PALS2: variants seen among roughly 807,000 people sequenced by gnomAD.
PALS2 encodes the protein protein PALS2.
In PALS2, 27 loss-of-function variants were observed where a neutral mutation model predicts 61.6. The ratio of observed to expected loss-of-function variants is 0.44; its 90% CI spans 0.32 to 0.60. The LOEUF is 0.60. Ranked by LOEUF, PALS2 falls within the 20% of genes least tolerant of loss-of-function variation. The pLI is 0.05. For missense variants in PALS2, 554 were observed against 639.4 expected (o/e 0.87, Z 1.44); for synonymous variants, 236 against 218.6 (o/e 1.08, Z -0.70).
At chr7:24,588,063 G>A (rs754082293) in intron 1 of PALS2, among the ~76,000 whole-genome samples, 1 of 152,158 alleles carries the variant, frequency 6.6e-6, no homozygotes, top group Non-Finnish European at 1.5e-5. Context: ...AGAGGCCAGG[G>A]TTGTTACTAA....
intron 2 of PALS2, among the ~76,000 whole-genome samples, chr7:24,640,016 C>T (rs1291199723): frequency 6.6e-6 from 1 of 151,792 alleles, no homozygotes; most frequent in African/African-American, 2.4e-5. Flanking sequence ...GGGGTTTCAC[C>T]ATGTTGGGCA....
At position 24,573,609 on chromosome 7, in the gene PALS2, C is replaced by G; in HGVS notation, c.-3+16C>G. On this transcript the variant is annotated intron_variant, in intron 1 of 11. Transcript: ENST00000222644. This position sits in a 1 kb window ranked among gnomAD's most constrained non-coding sequence, Gnocchi z 5.3. Reference sequence around the variant, plus strand: ...GTGCGAGCCGGTGAGTTAACTGGACCCCCACGCCGCTCGGGTAACGGTCGC... The same window carrying G: ...GTGCGAGCCGGTGAGTTAACTGGACGCCCACGCCGCTCGGGTAACGGTCGC... The G allele has an allele frequency of 2.8e-6, 1 of 352,536 alleles. No individual in the cohort carries two copies. The highest frequency in any genetic ancestry group is 5.1e-6 in the Non-Finnish European group (1 of 196,738). 21.8% of individuals were successfully genotyped at this position (352,536 alleles called of 1,614,324 possible). A position where few individuals can be genotyped will look rare whatever the true frequency, so the allele number is the denominator to read the frequency against.
chr7:24,673,843 T>C (rs1787428229), intron 9 of PALS2, among the ~76,000 whole-genome samples: 1 of 152,054 alleles, frequency 6.6e-6, no homozygotes, highest in Admixed American at 6.6e-5. Flanking sequence ...TTACTCTCTG[T>C]TTTTTTAGAT....
At chr7:24,663,513 G>C in intron 5 of PALS2, 77 bp from the exon 6 acceptor site, 1 of 1,340,446 alleles carries the variant, frequency 7.5e-7, no homozygotes, top group Middle Eastern at 2.6e-4. Flanking sequence ...TTAAATCAGA[G>C]TGGTTTGACA....
chr7:24,680,654 G>C (rs1244157884), intron 11 of PALS2, 134 bp downstream of exon 11: 2 of 1,185,336 alleles, frequency 1.7e-6, no homozygotes, highest in Admixed American at 3.0e-5. Context: ...GGAGTGCATT[G>C]ATGCGATCTC....
At chr7:24,677,652 C>T (rs888335484) in intron 9 of PALS2, among the ~76,000 whole-genome samples, 1 of 152,132 alleles carries the variant, frequency 6.6e-6, no homozygotes, top group African/African-American at 2.4e-5. Flanking sequence ...GTCTTTGGTT[C>T]TGTTTATATG....
At chr7:24,581,401 A>G (rs995351044) in intron 1 of PALS2, among the ~76,000 whole-genome samples, 1 of 152,122 alleles carries the variant, frequency 6.6e-6, no homozygotes, top group Non-Finnish European at 1.5e-5. Flanking sequence ...GAAACTTTCC[A>G]AATGCGGTGA....
intron 5 of PALS2, among the ~76,000 whole-genome samples, chr7:24,655,211 G>A (rs1786352783): frequency 6.6e-6 from 1 of 152,152 alleles, no homozygotes; most frequent in South Asian, 2.1e-4. Flanking sequence ...ATATCAAGCT[G>A]CAGTAATTCC....
intron 2 of PALS2, chr7:24,624,012 A>C: frequency 8.1e-7 from 1 of 1,235,410 alleles, no homozygotes; most frequent in African/African-American, 1.5e-5. Flanking sequence ...TTTTGGCGTA[A>C]TGCCTTTAAG....
At chr7:24,665,076 T>C (rs889539568) in intron 6 of PALS2, among the ~76,000 whole-genome samples, 1 of 152,200 alleles carries the variant, frequency 6.6e-6, no homozygotes, top group Non-Finnish European at 1.5e-5. Flanking sequence ...TTAGCTGTTT[T>C]ACATTAGGTG....
chr7:24,676,216 G>A (rs1382900538), intron 9 of PALS2, among the ~76,000 whole-genome samples: 1 of 152,002 alleles, frequency 6.6e-6, no homozygotes, highest in Non-Finnish European at 1.5e-5. Context: ...ACTTTTTGAT[G>A]GGGTTGTTTG....
chr7:24,585,894 C>G (rs919136639), intron 1 of PALS2, among the ~76,000 whole-genome samples: 3 of 152,108 alleles, frequency 2.0e-5, no homozygotes, highest in Admixed American at 2.0e-4. Flanking sequence ...CCACTAATAT[C>G]TTCTACTCCT....
At chr7:24,648,964 G>A (rs540746091) in intron 3 of PALS2, among the ~76,000 whole-genome samples, 1 of 151,250 alleles carries the variant, frequency 6.6e-6, no homozygotes, top group East Asian at 1.9e-4. Context: ...CATGCTGGTA[G>A]CACATACATA....
intron 2 of PALS2, among the ~76,000 whole-genome samples, chr7:24,639,642 A>G (rs972626528): frequency 3.3e-5 from 5 of 151,808 alleles, no homozygotes; most frequent in Non-Finnish European, 7.4e-5. Context: ...AGCTTATTTC[A>G]TAAGAGTTAA....
intron 9 of PALS2, among the ~76,000 whole-genome samples, chr7:24,673,170 T>TA (rs1353587284): frequency 6.6e-6 from 1 of 152,220 alleles, no homozygotes; most frequent in Non-Finnish European, 1.5e-5. Context: ...ATTTTTGTTT[T>TA]TTATTGTCTT....
intron 11 of PALS2, 88 bp downstream of exon 11, chr7:24,680,608 AT>A: frequency 7.0e-7 from 1 of 1,431,456 alleles, no homozygotes. Flanking sequence ...TTATTTATTT[AT>A]TTTTGAGGCA....
chr7:24,646,913 C>G (rs778692886), intron 3 of PALS2, among the ~76,000 whole-genome samples: 9 of 152,046 alleles, frequency 5.9e-5, no homozygotes, highest in Admixed American at 1.3e-4. Context: ...TATCTCTCTT[C>G]TAGGTTTTCT....
chr7:24,649,765 G>C lies in PALS2; in HGVS notation c.423+1G>C. ...TCACAAAAGAGCTGGGGAACCACTG[G>C]TGAGTACAGATAAATCAGTACCCTA... On this transcript the variant is annotated splice_donor_variant, in intron 4 of 11. Transcript: ENST00000222644. LOFTEE classifies it high-confidence loss of function. 1 of 1,601,432 alleles carries C rather than the reference G, an allele frequency of 6.2e-7. No individual in the cohort carries two copies. The highest frequency in any genetic ancestry group is 8.5e-7 in the Non-Finnish European group (1 of 1,173,852).
At chr7:24,613,498 G>T (rs1784185035) in intron 1 of PALS2, among the ~76,000 whole-genome samples, 1 of 151,600 alleles carries the variant, frequency 6.6e-6, no homozygotes, top group Non-Finnish European at 1.5e-5. Context: ...TATTTATGGG[G>T]TACTTAGTGA....
Sources: gnomAD v4.1 joint callset for allele counts (sites outside exome capture counted in the v4.1 genomes callset) on GRCh38, gnomAD v4.1.1 for gene constraint, Gnocchi (gnomAD v3.1) non-coding constraint, MANE v1.5 for transcripts, NCBI Gene and HGNC (gene_info 2026-07-23, HGNC 2026-07-21) for gene names.